Variants in MEGF11 observed in about 807,000 individuals in gnomAD.
The protein encoded by MEGF11 is multiple EGF like domains 11.
Under a neutral mutation model 146.6 loss-of-function variants are expected in MEGF11, and 126 were observed. The ratio of observed to expected loss-of-function variants is 0.86; its 90% CI spans 0.74 to 1.00. MEGF11 has a LOEUF of 1.00. Ranked by LOEUF, MEGF11 falls within the 50% of genes least tolerant of loss-of-function variation. The pLI, the probability that MEGF11 is intolerant of heterozygous loss-of-function variation, is 0.00. For synonymous variants in MEGF11, 532 were observed against 583.4 expected (o/e 0.91, Z 1.27); for missense variants, 1,509 against 1,521.2 (o/e 0.99, Z 0.13).
At chr15:65,913,265 C>T (rs1468923812) in intron 20 of MEGF11, among the ~76,000 whole-genome samples, 4 of 152,122 alleles carry the variant, frequency 2.6e-5, no homozygotes, top group Admixed American at 6.5e-5. Flanking sequence ...TGTCCCCTTC[C>T]GCTGTACTAA....
At chr15:66,022,705 C>CT (rs1006402741) in intron 5 of MEGF11, among the ~76,000 whole-genome samples, 20 of 151,004 alleles carry the variant, frequency 1.3e-4, no homozygotes, top group African/African-American at 4.4e-4. Context: ...TGGCGCATGC[C>CT]TGTACTTCTA....
chr15:66,098,824 C>T (rs1404082730), intron 4 of MEGF11, among the ~76,000 whole-genome samples: 3 of 152,166 alleles, frequency 2.0e-5, no homozygotes, highest in African/African-American at 7.2e-5. Flanking sequence ...CATGTGTGTA[C>T]GTATTAGTGT....
chr15:66,189,227 G>C (rs2090804453), intron 1 of MEGF11, among the ~76,000 whole-genome samples: 1 of 152,178 alleles, frequency 6.6e-6, no homozygotes, highest in Admixed American at 6.5e-5. Context: ...GGATTAAGCA[G>C]AATCCTCTGG....
chr15:65,980,753 A>T, intron 7 of MEGF11, 25 bp downstream of exon 7: 1 of 1,578,488 alleles, frequency 6.3e-7, no homozygotes, highest in Non-Finnish European at 8.6e-7. Context: ...CCAGTGCCCC[A>T]CCCAGATCCT....
At chr15:65,898,210 G>A in intron 25 of MEGF11, 116 bp from the exon 26 acceptor site, 1 of 1,461,566 alleles carries the variant, frequency 6.8e-7, no homozygotes, top group African/African-American at 1.4e-5. Context: ...ATAAATCTAT[G>A]GCAAATACAT....
intron 8 of MEGF11, among the ~76,000 whole-genome samples, chr15:65,965,609 T>TCTTTCTTTC (rs1567180128): frequency 3.2e-4 from 26 of 80,402 alleles, no homozygotes; most frequent in Non-Finnish European, 4.1e-4. Context: ...TCTTTTTTTT[T>TCTTTCTTTC]TTTCTTTTTT....
intron 1 of MEGF11, among the ~76,000 whole-genome samples, chr15:66,226,253 CTT>C (rs1317609352): frequency 2.2e-5 from 3 of 137,222 alleles, no homozygotes; most frequent in Admixed American, 7.7e-5. Flanking sequence ...CCTTATTTTA[CTT>C]TTTTTTTTTT....
chr15:65,922,726 A>G (rs1393759060), intron 14 of MEGF11, 97 bp downstream of exon 14: 14 of 1,444,882 alleles, frequency 9.7e-6, no homozygotes, highest in Non-Finnish European at 1.2e-5. Flanking sequence ...GGCTGATTCA[A>G]GAGCCCAGCC....
intron 5 of MEGF11, among the ~76,000 whole-genome samples, chr15:66,054,993 A>G (rs8043508): frequency 0.071 from 10,744 of 152,282 alleles, 779 homozygotes; most frequent in African/African-American, 0.18. Flanking sequence ...ATTAGATGCT[A>G]TTATTGGTGT....
chr15:66,081,553 A>AT (rs2085857091), intron 5 of MEGF11, among the ~76,000 whole-genome samples: 1 of 152,014 alleles, frequency 6.6e-6, no homozygotes. Context: ...TAATTTCTGT[A>AT]TTTTTAGTAG....
intron 24 of MEGF11, chr15:65,905,791 G>C (rs1222671696): frequency 3.4e-6 from 1 of 296,870 alleles, no homozygotes; most frequent in Non-Finnish European, 6.2e-6. Context: ...CGTACTAATT[G>C]GTTGGATAAT....
chr15:66,248,949 G>GA (rs2140264823), intron 1 of MEGF11, among the ~76,000 whole-genome samples: 1 of 152,294 alleles, frequency 6.6e-6, no homozygotes, highest in South Asian at 2.1e-4. Context: ...GAATCCAGAT[G>GA]AAAAATGCTG....
At chr15:66,018,881 A>C (rs951526156) in intron 5 of MEGF11, among the ~76,000 whole-genome samples, 2 of 152,026 alleles carry the variant, frequency 1.3e-5, no homozygotes, top group African/African-American at 4.8e-5. Flanking sequence ...GTAGAGCAGG[A>C]GAGAAGAGAA....
chr15:65,946,086 C>T (rs1041063071), intron 10 of MEGF11, among the ~76,000 whole-genome samples: 9 of 152,156 alleles, frequency 5.9e-5, no homozygotes, highest in African/African-American at 2.2e-4. Flanking sequence ...CAGTGCCTGG[C>T]CCAGAGTAAG....
intron 5 of MEGF11, among the ~76,000 whole-genome samples, chr15:66,068,690 T>C (rs1409217694): frequency 6.6e-6 from 1 of 152,156 alleles, no homozygotes; most frequent in African/African-American, 2.4e-5. Context: ...GCCATTGTCA[T>C]GGGTTCCAGA....
chr15:66,236,935 C>T (rs933930057), intron 1 of MEGF11, among the ~76,000 whole-genome samples: 2 of 152,326 alleles, frequency 1.3e-5, no homozygotes, highest in African/African-American at 4.8e-5. Flanking sequence ...ATATTCACCT[C>T]AATCATTCTC....
In MEGF11 at chr15:66,166,496, A is replaced by T. The variant is rs183916369; in HGVS notation, c.-8-38085T>A. On this transcript the variant is annotated intron_variant, in intron 1 of 25. Transcript: ENST00000395614. ...GATATAAATCAGATCACACTGCTCC[A>T]CTGCTTAATACCTCCCAGTGTCTTC... Among the ~76,000 whole-genome samples the T allele has an allele frequency of 8.5e-3, 1,292 of 152,222 alleles. 4 individuals are homozygous for T. Among genetic ancestry groups the T allele is most frequent in the Non-Finnish European group, 0.012 (824 of 68,014 alleles).
chr15:66,217,969 C>G (rs1456967657), intron 1 of MEGF11, among the ~76,000 whole-genome samples: 1 of 152,190 alleles, frequency 6.6e-6, no homozygotes, highest in African/African-American at 2.4e-5. Flanking sequence ...TGTCCTGAAG[C>G]CAATAACTTG....
In MEGF11 at chr15:66,156,039, G is replaced by A. The variant is rs1325942954; in HGVS notation, c.-8-27628C>T. ...GCTGCTGAGTTGGTCTTCAGGGAAG[G>A]AAGTATGGATGAATCAAAGGGTCTC... is the stretch of plus-strand genomic sequence containing the variant. On this transcript the variant is annotated intron_variant, in intron 1 of 25. Transcript: ENST00000395614. Among the ~76,000 whole-genome samples, 3 of 152,192 alleles carry A rather than the reference G, an allele frequency of 2.0e-5. No individual in the cohort carries two copies. The East Asian group carries it at 5.8e-4, about 29-fold the overall frequency.
Sources: allele counts gnomAD v4.1 joint callset (sites outside exome capture counted in the v4.1 genomes callset), GRCh38; gene constraint gnomAD v4.1.1; transcripts MANE v1.5; gene names NCBI Gene and HGNC (gene_info 2026-07-23, HGNC 2026-07-21).